The following ACSL5 variants were observed in gnomAD, a reference collection of about 807,000 sequenced individuals.
The protein encoded by ACSL5 is acyl-CoA synthetase long chain family member 5.
ACSL5 carries 50 observed loss-of-function variants against 84.9 expected under a neutral mutation model. The ratio of observed to expected loss-of-function variants is 0.59; its 90% CI spans 0.47 to 0.75. ACSL5 has a LOEUF of 0.75. Ranked by LOEUF, ACSL5 falls within the 30% of genes least tolerant of loss-of-function variation. The pLI is 0.00. For missense variants in ACSL5, 775 were observed against 830.4 expected (o/e 0.93, Z 0.82); for synonymous variants, 280 against 300.7 (o/e 0.93, Z 0.71).
chr10:112,408,600 T>G (rs1389654568), intron 6 of ACSL5, 79 bp downstream of exon 6: 1 of 1,059,650 alleles, frequency 9.4e-7, no homozygotes, highest in Non-Finnish European at 1.5e-6. Flanking sequence ...TTTTGTTTAT[T>G]TGTTTGTTTG....
At chr10:112,374,291 T>A (rs1197081045) in intron 1 of ACSL5, 22 bp downstream of exon 1, 1 of 152,186 alleles carries the variant, frequency 6.6e-6, no homozygotes, top group Non-Finnish European at 1.5e-5. Flanking sequence ...TGATACTACC[T>A]GCACTATATT....
chr10:112,400,563 C>A (rs1015307384), intron 3 of ACSL5, among the ~76,000 whole-genome samples: 1 of 151,892 alleles, frequency 6.6e-6, no homozygotes, highest in Non-Finnish European at 1.5e-5. Flanking sequence ...CACCTGCCAC[C>A]ATGCTTGGCT....
intron 1 of ACSL5, among the ~76,000 whole-genome samples, chr10:112,375,695 G>A (rs921649287): frequency 5.3e-5 from 8 of 152,188 alleles, no homozygotes; most frequent in South Asian, 2.1e-4. Flanking sequence ...TGACCAAGGC[G>A]AAAGAATCGA....
chr10:112,378,127 A>T (rs923800729), intron 1 of ACSL5, among the ~76,000 whole-genome samples: 1 of 151,464 alleles, frequency 6.6e-6, no homozygotes, highest in African/African-American at 2.4e-5. Context: ...GAGATGGAGG[A>T]AGGAGAGAGA....
intron 1 of ACSL5, chr10:112,376,572 T>A: frequency 7.4e-7 from 1 of 1,355,088 alleles, no homozygotes. Context: ...CCGGCTGAGT[T>A]CCACGGGCAC....
chr10:112,426,749 T>C, intron 19 of ACSL5, 39 bp from the exon 20 acceptor site: 1 of 1,591,738 alleles, frequency 6.3e-7, no homozygotes, highest in African/African-American at 1.3e-5. Flanking sequence ...TCAGGCTTTT[T>C]GAAACAGCCA....
chr10:112,376,880 G>A (rs553264968), intron 1 of ACSL5, among the ~76,000 whole-genome samples: 2 of 152,136 alleles, frequency 1.3e-5, no homozygotes, highest in African/African-American at 4.8e-5. Flanking sequence ...AAGGCCACAG[G>A]TTAAGTCTCA....
At chr10:112,396,871 A>G (rs890320633) in intron 2 of ACSL5, among the ~76,000 whole-genome samples, 1 of 151,972 alleles carries the variant, frequency 6.6e-6, no homozygotes, top group Non-Finnish European at 1.5e-5. Flanking sequence ...TATTTTTGCT[A>G]TTTTCTGTCT....
At chr10:112,416,654 A>G (rs1844321603) in intron 12 of ACSL5, among the ~76,000 whole-genome samples, 1 of 151,944 alleles carries the variant, frequency 6.6e-6, no homozygotes, top group Non-Finnish European at 1.5e-5. Context: ...GTTGTTTCCC[A>G]AGGACTAAAA....
At chr10:112,394,132 A>G (rs183988003) in intron 1 of ACSL5, among the ~76,000 whole-genome samples, 3 of 152,338 alleles carry the variant, frequency 2.0e-5, no homozygotes, top group South Asian at 2.1e-4. Context: ...GCTGAAAACT[A>G]TAAGAAAGGC....
At chr10:112,387,082 T>C (rs1053954943) in intron 1 of ACSL5, among the ~76,000 whole-genome samples, 3 of 152,206 alleles carry the variant, frequency 2.0e-5, no homozygotes, top group African/African-American at 7.2e-5. Context: ...CCCTTGGATT[T>C]TGAATCATTT....
intron 1 of ACSL5, among the ~76,000 whole-genome samples, chr10:112,384,656 C>T (rs886440117): frequency 6.6e-6 from 1 of 152,090 alleles, no homozygotes; most frequent in Non-Finnish European, 1.5e-5. Context: ...TACCGGCATG[C>T]ACCGCCAAGC....
At chr10:112,403,235 GA>G (rs766857330) in intron 3 of ACSL5, among the ~76,000 whole-genome samples, 1 of 152,226 alleles carries the variant, frequency 6.6e-6, no homozygotes, top group Non-Finnish European at 1.5e-5. Context: ...AGCTGTTAAA[GA>G]AACTTAGACT....
chr10:112,416,254 G>A (rs1048079041), intron 12 of ACSL5, among the ~76,000 whole-genome samples: 1 of 152,014 alleles, frequency 6.6e-6, no homozygotes, highest in South Asian at 2.1e-4. Flanking sequence ...GGCAGATCAC[G>A]AGGTCAGGAG....
At chr10:112,404,873 C>A (rs1843994524) in intron 5 of ACSL5, 67 bp downstream of exon 5, 3 of 1,366,084 alleles carry the variant, frequency 2.2e-6, no homozygotes, top group Non-Finnish European at 2.0e-6. Context: ...AAATGCTATT[C>A]CCCGTCCAGC....
At chr10:112,389,962 C>T (rs1461012042) in intron 1 of ACSL5, among the ~76,000 whole-genome samples, 3 of 152,132 alleles carry the variant, frequency 2.0e-5, no homozygotes, top group African/African-American at 7.2e-5. Context: ...GGCACAGTGG[C>T]TCACGCCTGT....
chr10:112,399,159 C>T (rs1254309859), intron 3 of ACSL5, 150 bp downstream of exon 3: 1 of 669,958 alleles, frequency 1.5e-6, no homozygotes, highest in Non-Finnish European at 2.6e-6. Context: ...AACATTAGAA[C>T]ATAGTATTAG....
chr10:112,376,567 T>G, intron 1 of ACSL5: 2 of 1,408,452 alleles, frequency 1.4e-6, no homozygotes, highest in Non-Finnish European at 1.9e-6. Context: ...AAGGGCCGGC[T>G]GAGTTCCACG....
chr10:112,397,425 C>G (rs569901686), intron 2 of ACSL5, among the ~76,000 whole-genome samples: 1 of 152,238 alleles, frequency 6.6e-6, no homozygotes, highest in Non-Finnish European at 1.5e-5. Flanking sequence ...CTGCCTTGGC[C>G]TCTCAAAGTG....
Sources: gnomAD v4.1 joint callset for allele counts (sites outside exome capture counted in the v4.1 genomes callset) on GRCh38, gnomAD v4.1.1 for gene constraint, MANE v1.5 for transcripts, NCBI Gene and HGNC (gene_info 2026-07-23, HGNC 2026-07-21) for gene names.